The following SPECC1L variants were observed in gnomAD, a reference collection of about 807,000 sequenced individuals.
The protein encoded by SPECC1L is sperm antigen with calponin homology and coiled-coil domains 1 like.
SPECC1L carries 40 observed loss-of-function variants against 116.8 expected under a neutral mutation model. That is an observed-to-expected ratio of 0.34 (90% CI 0.27 to 0.45). The LOEUF (loss-of-function observed/expected upper bound fraction) is 0.45. Ranked by LOEUF, SPECC1L falls within the 20% of genes least tolerant of loss-of-function variation. The pLI is 1.00. For missense variants in SPECC1L, 1,110 were observed against 1,373.6 expected (o/e 0.81, Z 3.03); for synonymous variants, 504 against 500.6 (o/e 1.01, Z -0.09).
At chr22:24,338,356 TA>T in intron 9 of SPECC1L, 29 bp from the exon 10 acceptor site, 3 of 1,608,658 alleles carry the variant, frequency 1.9e-6, no homozygotes, top group Non-Finnish European at 2.6e-6. Flanking sequence ...ACAGTGACAT[TA>T]TTTCCCTTTT....
intron 7 of SPECC1L, among the ~76,000 whole-genome samples, chr22:24,329,307 A>G (rs2040891630): frequency 6.6e-6 from 1 of 152,266 alleles, no homozygotes; most frequent in Admixed American, 6.5e-5. Context: ...TAAATCTGAA[A>G]TGCTTTTGGA....
At chr22:24,383,625 T>C (rs1246410963) in intron 14 of SPECC1L, among the ~76,000 whole-genome samples, 1 of 151,920 alleles carries the variant, frequency 6.6e-6, no homozygotes, top group Non-Finnish European at 1.5e-5. Context: ...TAGAATCAAA[T>C]CAAAATTTTA....
At position 24,417,631 on chromosome 22, in the gene SPECC1L, G is replaced by C. The variant is rs532287946; in HGVS notation, c.*3008G>C. ...GAGTGTGTCTCGAGGGGTTTTGTTT[G>C]TTTTGAGGCATGTATCATCTTGGAA... On this transcript the variant is annotated 3_prime_UTR_variant, in exon 17 of 17. Transcript: ENST00000314328. The C allele has an allele frequency of 3.3e-5, 5 of 152,250 alleles. No individual in the cohort carries two copies. Among genetic ancestry groups the C allele is most frequent in the Non-Finnish European group, 7.3e-5 (5 of 68,082 alleles). 9.4% of individuals were successfully genotyped at this position (152,250 alleles called of 1,614,324 possible).
intron 10 of SPECC1L, chr22:24,343,517 G>C (rs747135352): frequency 2.2e-6 from 1 of 445,744 alleles, no homozygotes; most frequent in South Asian, 1.6e-5. Context: ...CTGGAATGCA[G>C]TGGCGTGACC....
intron 11 of SPECC1L, among the ~76,000 whole-genome samples, chr22:24,352,233 A>G (rs2146583316): frequency 6.6e-6 from 1 of 152,346 alleles, no homozygotes; most frequent in South Asian, 2.1e-4. Context: ...CTAAGCTGAA[A>G]AGCACAGATT....
chr22:24,351,081 C>G (rs1016735255), intron 11 of SPECC1L, among the ~76,000 whole-genome samples: 1 of 152,210 alleles, frequency 6.6e-6, no homozygotes, highest in Non-Finnish European at 1.5e-5. Flanking sequence ...TCGAGGCCTT[C>G]TCCACTCTCC....
intron 6 of SPECC1L, among the ~76,000 whole-genome samples, chr22:24,325,345 A>G (rs1482458824): frequency 6.6e-6 from 1 of 152,204 alleles, no homozygotes; most frequent in Non-Finnish European, 1.5e-5. Flanking sequence ...TTTGCAAACT[A>G]GTCTTCACAA....
rs201552465 is a variant in SPECC1L at position 24,363,318 on chromosome 22, C to T, written c.2801C>T (p.Ala934Val). ...SRPASLPRVP[A>V]MESAKTLSVS... is the part of the protein sequence containing the mutation. The stretch of plus-strand genomic sequence containing the variant: ...CCTGCTTCCCTGCCAAGAGTGCCTG[C>T]GATGGAAAGTGCCAAGACCCTCTCA... Residue 934 changes from alanine to valine, a missense_variant, in exon 12 of 17, where the codon GCG becomes GTG. Physicochemically the swap from Ala to Val is moderately conservative, Grantham distance 64. This residue lies in a region of SPECC1L where 575 missense variants were observed against 682.4 expected (regional missense o/e 0.84). Transcript: ENST00000314328. 47 of 1,613,964 alleles carry T rather than the reference C, an allele frequency of 2.9e-5. No homozygotes were observed. Among genetic ancestry groups the T allele is most frequent in the East Asian group, 1.6e-4 (7 of 44,896 alleles).
chr22:24,393,845 C>G (rs762287769), intron 14 of SPECC1L, among the ~76,000 whole-genome samples: 12 of 152,160 alleles, frequency 7.9e-5, no homozygotes, highest in Non-Finnish European at 1.8e-4. Context: ...CCTGCTTCTC[C>G]CCCACATTTC....
At chr22:24,299,629 G>A (rs1402809389) in intron 2 of SPECC1L, among the ~76,000 whole-genome samples, 1 of 151,656 alleles carries the variant, frequency 6.6e-6, no homozygotes, top group Admixed American at 6.6e-5. Flanking sequence ...TACAGCATTG[G>A]CATATATTTT....
At chr22:24,337,288 A>G (rs916608436) in intron 9 of SPECC1L, among the ~76,000 whole-genome samples, 15 of 152,356 alleles carry the variant, frequency 9.8e-5, no homozygotes, top group African/African-American at 3.6e-4. Context: ...ATACTTTAAC[A>G]TGGATGAATC....
intron 9 of SPECC1L, among the ~76,000 whole-genome samples, chr22:24,337,652 T>C (rs935055170): frequency 6.6e-6 from 1 of 152,208 alleles, no homozygotes; most frequent in Admixed American, 6.5e-5. Context: ...TATTCGTGTT[T>C]ATATTGGCTG....
rs536508658 is a variant in SPECC1L at position 24,395,793 on chromosome 22, C to G, written c.3088-15795C>G. 3.9e-5 allele frequency among the ~76,000 whole-genome samples: 6 copies of G among 152,212 alleles called. No individual in the cohort carries two copies. The East Asian group carries it at 1.2e-3, about 29-fold the overall frequency. On this transcript the variant is annotated intron_variant, in intron 14 of 16. Transcript: ENST00000314328. ...GCTGGGATCAACAGGCATGCACCAC[C>G]ACGTCTGGCTAATTTTTTTGCATTT...
chr22:24,403,553 C>T (rs2042523504), intron 14 of SPECC1L, among the ~76,000 whole-genome samples: 1 of 152,156 alleles, frequency 6.6e-6, no homozygotes, highest in Non-Finnish European at 1.5e-5. Context: ...TGCTGGCCTC[C>T]ATCAGAAGCT....
At chr22:24,412,021 G>A in intron 15 of SPECC1L, 1 of 436,484 alleles carries the variant, frequency 2.3e-6, no homozygotes, top group Non-Finnish European at 4.3e-6. Flanking sequence ...GAAGGCAGGA[G>A]TAGTCAGGCA....
chr22:24,304,158 T>C (rs963928430), intron 3 of SPECC1L, among the ~76,000 whole-genome samples: 3 of 152,106 alleles, frequency 2.0e-5, no homozygotes, highest in Non-Finnish European at 4.4e-5. Context: ...TTAACTGTCA[T>C]GGAGCATTGA....
At chr22:24,356,930 A>G (rs73167592) in intron 11 of SPECC1L, among the ~76,000 whole-genome samples, 2,985 of 151,986 alleles carry the variant, frequency 0.02, 37 homozygotes, top group Non-Finnish European at 0.031. Context: ...GTTTAGCAGT[A>G]TCCCTGCTCT....
chr22:24,401,475 G>C (rs2042472386), intron 14 of SPECC1L, among the ~76,000 whole-genome samples: 1 of 152,232 alleles, frequency 6.6e-6, no homozygotes, highest in Non-Finnish European at 1.5e-5. Flanking sequence ...AACGAGGTCA[G>C]TCATTCTGGG....
At chr22:24,412,419 A>G (rs2042716667) in intron 15 of SPECC1L, 1 of 616,952 alleles carries the variant, frequency 1.6e-6, no homozygotes, top group Admixed American at 2.4e-5. Context: ...GTGAGGAAAG[A>G]ACGGGTGTTG....
Sources: gnomAD v4.1 joint callset for allele counts (sites outside exome capture counted in the v4.1 genomes callset) on GRCh38, gnomAD v4.1.1 for gene constraint, gnomAD v4.1.1 regional missense constraint, MANE v1.5 for transcripts, NCBI Gene and HGNC (gene_info 2026-07-23, HGNC 2026-07-21) for gene names.